The following FYN variants were observed in gnomAD, a reference collection of about 807,000 sequenced individuals.
FYN encodes the protein tyrosine-protein kinase Fyn.
In FYN, 10 loss-of-function variants were observed where a neutral mutation model predicts 70.2. That is an observed-to-expected ratio of 0.14 (90% CI 0.09 to 0.24). FYN has a LOEUF of 0.24. FYN is among the 10% of genes least tolerant of loss of function. FYN has a pLI of 1.00. For synonymous variants in FYN, 236 were observed against 248.6 expected (o/e 0.95, Z 0.48); for missense variants, 319 against 673.1 (o/e 0.47, Z 5.82).
chr6:111,868,491 A>G (rs1351417780), intron 1 of FYN, among the ~76,000 whole-genome samples: 2 of 152,188 alleles, frequency 1.3e-5, no homozygotes, highest in African/African-American at 4.8e-5. Flanking sequence ...TGTATTTCCC[A>G]GGTAAGTAGT....
intron 8 of FYN, among the ~76,000 whole-genome samples, chr6:111,701,125 AAGT>A (rs1799814758): frequency 6.6e-6 from 1 of 152,188 alleles, no homozygotes; most frequent in Non-Finnish European, 1.5e-5. Flanking sequence ...AGAAAGGAAA[AAGT>A]AGTTAACACT....
At chr6:111,829,595 G>A (rs889854868) in intron 2 of FYN, among the ~76,000 whole-genome samples, 3 of 152,152 alleles carry the variant, frequency 2.0e-5, no homozygotes, top group Non-Finnish European at 4.4e-5. Flanking sequence ...TTCCAGTAGA[G>A]CAAAAACAGG....
chr6:111,783,369 C>G (rs538603938), intron 2 of FYN, among the ~76,000 whole-genome samples: 13 of 152,036 alleles, frequency 8.6e-5, no homozygotes, highest in African/African-American at 3.1e-4. Context: ...ACTCACAGAA[C>G]AAAGGCTGGA....
At chr6:111,669,330 G>A (rs1418681004) in intron 13 of FYN, among the ~76,000 whole-genome samples, 1 of 150,246 alleles carries the variant, frequency 6.7e-6, no homozygotes, top group Non-Finnish European at 1.5e-5. Context: ...AGCTTCTTGG[G>A]AGGCTGAGGC....
intron 4 of FYN, among the ~76,000 whole-genome samples, chr6:111,716,736 G>A (rs1367455727): frequency 6.7e-6 from 1 of 149,340 alleles, no homozygotes; most frequent in Non-Finnish European, 1.5e-5. Flanking sequence ...TTTTGTACCC[G>A]ATTGAAAAAA....
In FYN at chr6:111,824,107, C is replaced by T. The variant is rs1045758647; in HGVS notation, c.-82+22482G>A. ...CTCTACAAAGGAAAAGTTTCAACTG[C>T]TCTTCTGTGAGCACATGGTCTTTAA... On this transcript the variant is annotated intron_variant, in intron 2 of 13. Transcript: ENST00000354650. Among the ~76,000 whole-genome samples, 4 of 152,202 alleles carry T rather than the reference C, an allele frequency of 2.6e-5. No individual in the cohort carries two copies. In the East Asian group the frequency reaches 7.7e-4, roughly 29 times the overall value.
intron 13 of FYN, among the ~76,000 whole-genome samples, chr6:111,672,528 T>C (rs924710543): frequency 6.6e-6 from 1 of 152,222 alleles, no homozygotes; most frequent in Non-Finnish European, 1.5e-5. Flanking sequence ...GGCCCCATAG[T>C]AGGTAAAGCC....
intron 3 of FYN, among the ~76,000 whole-genome samples, chr6:111,767,886 T>C (rs1028262049): frequency 6.6e-6 from 1 of 152,192 alleles, no homozygotes; most frequent in South Asian, 2.1e-4. Flanking sequence ...CAGGGGTTGT[T>C]AAAATCCCCT....
chr6:111,852,173 A>G (rs1213232923), intron 1 of FYN, among the ~76,000 whole-genome samples: 1 of 152,250 alleles, frequency 6.6e-6, no homozygotes, highest in East Asian at 1.9e-4. Flanking sequence ...TAACAAAATA[A>G]TCCAAATGTA....
chr6:111,818,502 T>C (rs561603925), intron 2 of FYN: 3 of 152,332 alleles, frequency 2.0e-5, no homozygotes, highest in African/African-American at 7.2e-5. Flanking sequence ...TGATCACACG[T>C]GTTTGATGTT....
intron 2 of FYN, among the ~76,000 whole-genome samples, chr6:111,797,673 T>TATATAC (rs1223787708): frequency 6.6e-5 from 3 of 45,260 alleles, no homozygotes; most frequent in African/African-American, 5.1e-4. Context: ...TTCATATATA[T>TATATAC]ATATATATAT....
intron 3 of FYN, among the ~76,000 whole-genome samples, chr6:111,729,367 G>A (rs1329913096): frequency 6.6e-6 from 1 of 151,702 alleles, no homozygotes; most frequent in Non-Finnish European, 1.5e-5. Flanking sequence ...CTAGCTACTC[G>A]AGTGGCTGAG....
At chr6:111,715,331 T>A (rs968756029) in intron 4 of FYN, among the ~76,000 whole-genome samples, 2 of 152,066 alleles carry the variant, frequency 1.3e-5, no homozygotes, top group Admixed American at 1.3e-4. Flanking sequence ...TCCCCCTGGC[T>A]TGGCCTCCCA....
chr6:111,729,487 AGG>A (rs143677257), intron 3 of FYN, among the ~76,000 whole-genome samples: 1 of 148,150 alleles, frequency 6.7e-6, no homozygotes, highest in African/African-American at 2.5e-5. Flanking sequence ...AAAAAAAAAA[AGG>A]GGGTCGGGGG....
chr6:111,736,687 C>T (rs1015225539), intron 3 of FYN, among the ~76,000 whole-genome samples: 2 of 152,126 alleles, frequency 1.3e-5, no homozygotes, highest in African/African-American at 2.4e-5. Context: ...GATTTCCAGC[C>T]CAAGTGAAAC....
At chr6:111,872,771 C>T (rs1034033146) in intron 1 of FYN, among the ~76,000 whole-genome samples, 197 bp downstream of exon 1, 1 of 151,816 alleles carries the variant, frequency 6.6e-6, no homozygotes, top group Non-Finnish European at 1.5e-5. Flanking sequence ...GGCCGCACCC[C>T]GCAGGGGTGT....
At position 111,691,367 on chromosome 6, in the gene FYN, A is replaced by C. The variant is rs554253743; in HGVS notation, c.1273+3008T>G. On this transcript the variant is annotated intron_variant, in intron 12 of 13. Transcript: ENST00000354650. Reference sequence around the variant, plus strand: ...ACTGTTTTGAAAACAATTGTCATTCATGGTCCTAAAATATCTGTGTTTGGT... The same window carrying C: ...ACTGTTTTGAAAACAATTGTCATTCCTGGTCCTAAAATATCTGTGTTTGGT... 2.0e-5 allele frequency among the ~76,000 whole-genome samples: 3 copies of C among 152,310 alleles called. No individual in the cohort carries two copies. In the South Asian group the frequency reaches 6.2e-4, roughly 32 times the overall value.
intron 1 of FYN, among the ~76,000 whole-genome samples, chr6:111,857,816 G>T (rs961676468): frequency 6.7e-6 from 1 of 149,714 alleles, no homozygotes; most frequent in African/African-American, 2.6e-5. Context: ...TGTCCCTTTC[G>T]TTCTCCTTCT....
intron 9 of FYN, chr6:111,696,773 C>A: frequency 5.1e-6 from 1 of 195,340 alleles, no homozygotes. Flanking sequence ...AGCTCTGCAC[C>A]ATACAGTGAT....
Sources: allele counts gnomAD v4.1 joint callset (sites outside exome capture counted in the v4.1 genomes callset), GRCh38; gene constraint gnomAD v4.1.1; transcripts MANE v1.5; gene names NCBI Gene and HGNC (gene_info 2026-07-23, HGNC 2026-07-21).